The following NYAP2 variants were observed in gnomAD, a reference collection of about 807,000 sequenced individuals.
The protein encoded by NYAP2 is neuronal tyrosine-phosphorylated phosphoinositide-3-kinase adaptor 2.
A neutral mutation model predicts 50.4 loss-of-function variants in NYAP2; 23 were observed. The ratio of observed to expected loss-of-function variants is 0.46; its 90% confidence interval spans 0.33 to 0.65. The LOEUF (loss-of-function observed/expected upper bound fraction) is 0.65. NYAP2 is among the 30% of genes least tolerant of loss of function. The pLI is 0.02. For missense variants in NYAP2, 885 were observed against 861.0 expected (o/e 1.03, Z -0.35); for synonymous variants, 394 against 365.2 (o/e 1.08, Z -0.90).
intron 5 of NYAP2, among the ~76,000 whole-genome samples, chr2:225,604,081 A>G (rs1692743846): frequency 6.6e-6 from 1 of 152,150 alleles, no homozygotes; most frequent in Non-Finnish European, 1.5e-5. Context: ...ATAAAAAGTA[A>G]ACACCACGAT....
At chr2:225,558,307 C>T (rs1691812143) in intron 4 of NYAP2, among the ~76,000 whole-genome samples, 1 of 152,174 alleles carries the variant, frequency 6.6e-6, no homozygotes, top group Admixed American at 6.6e-5. Flanking sequence ...ACATGAGTCT[C>T]ACTGAGCTAA....
chr2:225,495,210 C>G (rs2106173696), intron 3 of NYAP2, among the ~76,000 whole-genome samples: 1 of 152,206 alleles, frequency 6.6e-6, no homozygotes, highest in African/African-American at 2.4e-5. Flanking sequence ...CTTTCTACCC[C>G]AAGACTTTTA....
chr2:225,579,448 T>G (rs1242463106), intron 4 of NYAP2, among the ~76,000 whole-genome samples: 1 of 152,248 alleles, frequency 6.6e-6, no homozygotes, highest in Non-Finnish European at 1.5e-5. Context: ...TTCTACTTAA[T>G]TCTAAGTATG....
chr2:225,458,361 C>G (rs1206366583), intron 3 of NYAP2, among the ~76,000 whole-genome samples: 3 of 151,988 alleles, frequency 2.0e-5, no homozygotes, highest in Non-Finnish European at 4.4e-5. Flanking sequence ...AAGGCATTCT[C>G]TTTAGTTTTA....
chr2:225,689,377 G>A, the NYAP2 span, among the ~76,000 whole-genome samples: 1 of 152,076 alleles, frequency 6.6e-6, no homozygotes, highest in Non-Finnish European at 1.5e-5. Flanking sequence ...AGCAAGCCCA[G>A]ATACATAAAA....
chr2:225,564,382 G>T (rs1691926540), intron 4 of NYAP2, among the ~76,000 whole-genome samples: 1 of 151,558 alleles, frequency 6.6e-6, no homozygotes, highest in South Asian at 2.1e-4. Context: ...TGTGTTTTTA[G>T]TAACCCCTAA....
chr2:225,569,305 A>C (rs1692023207), intron 4 of NYAP2, among the ~76,000 whole-genome samples: 1 of 152,184 alleles, frequency 6.6e-6, no homozygotes, highest in African/African-American at 2.4e-5. Flanking sequence ...AAGTTAATGA[A>C]AACTCAGGGA....
intron 3 of NYAP2, among the ~76,000 whole-genome samples, chr2:225,474,110 A>G (rs1288440404): frequency 6.6e-6 from 1 of 152,194 alleles, no homozygotes; most frequent in Non-Finnish European, 1.5e-5. Flanking sequence ...GTCAAAGATC[A>G]GATAGTTGTA....
chr2:225,448,893 G>C (rs1300994787), intron 3 of NYAP2, among the ~76,000 whole-genome samples: 1 of 152,146 alleles, frequency 6.6e-6, no homozygotes, highest in Non-Finnish European at 1.5e-5. Context: ...TGTATATTCA[G>C]ATCTGCACCA....
chr2:225,541,962 A>G (rs1691480350), intron 4 of NYAP2, among the ~76,000 whole-genome samples: 1 of 152,074 alleles, frequency 6.6e-6, no homozygotes, highest in South Asian at 2.1e-4. Flanking sequence ...AATTACTTTC[A>G]TCAGTATTTT....
At chr2:225,591,938 C>T (rs2106236088) in intron 5 of NYAP2, among the ~76,000 whole-genome samples, 1 of 152,248 alleles carries the variant, frequency 6.6e-6, no homozygotes, top group East Asian at 1.9e-4. Context: ...CTTCAAAACT[C>T]ACTTTGGAAT....
intron 4 of NYAP2, among the ~76,000 whole-genome samples, chr2:225,556,326 T>C (rs957729665): frequency 1.3e-5 from 2 of 152,254 alleles, no homozygotes; most frequent in Non-Finnish European, 2.9e-5. Context: ...TTAATAGATA[T>C]AATTTTATTA....
At chr2:225,462,037 T>G (rs1438471436) in intron 3 of NYAP2, among the ~76,000 whole-genome samples, 1 of 152,194 alleles carries the variant, frequency 6.6e-6, no homozygotes, top group Non-Finnish European at 1.5e-5. Flanking sequence ...AGAAAGTGAT[T>G]TCCCCCTGCA....
chr2:225,549,308 T>C (rs779964326), intron 4 of NYAP2, among the ~76,000 whole-genome samples: 3 of 152,230 alleles, frequency 2.0e-5, no homozygotes, highest in Non-Finnish European at 4.4e-5. Flanking sequence ...TAATTATCCA[T>C]TTACGTATCT....
intron 6 of NYAP2, among the ~76,000 whole-genome samples, chr2:225,639,998 G>T (rs1048690412): frequency 1.3e-5 from 2 of 152,186 alleles, no homozygotes; most frequent in Non-Finnish European, 2.9e-5. Flanking sequence ...AACCTGACAA[G>T]GGTGAGGGTG....
intron 3 of NYAP2, among the ~76,000 whole-genome samples, chr2:225,424,057 C>T (rs1695253072): frequency 6.6e-6 from 1 of 152,092 alleles, no homozygotes; most frequent in African/African-American, 2.4e-5. Context: ...AAGATTGAGA[C>T]TGAATATCTC....
chr2:225,615,392 A>C (rs1241077132), intron 5 of NYAP2, among the ~76,000 whole-genome samples: 3 of 152,224 alleles, frequency 2.0e-5, no homozygotes, highest in Non-Finnish European at 4.4e-5. Context: ...TCAGGCAGAA[A>C]TAATTTGGTG....
chr2:225,512,852 T>TCTTTCTTCCTTC (rs1690852431), intron 3 of NYAP2, among the ~76,000 whole-genome samples: 6 of 123,672 alleles, frequency 4.9e-5, no homozygotes, highest in East Asian at 2.4e-4. Flanking sequence ...TTTCTTTCTT[T>TCTTTCTTCCTTC]CTTCCTTCCT....
the NYAP2 span, among the ~76,000 whole-genome samples, chr2:225,686,297 AT>A: frequency 6.6e-6 from 1 of 152,270 alleles, no homozygotes. Context: ...AGATTTTGAA[AT>A]TTCATTCTCT....
Sources: allele counts gnomAD v4.1 joint callset (sites outside exome capture counted in the v4.1 genomes callset), GRCh38; gene constraint gnomAD v4.1.1; transcripts MANE v1.5; gene names NCBI Gene and HGNC (gene_info 2026-07-23, HGNC 2026-07-21).